The following SSH2 variants were observed in gnomAD, a reference collection of about 807,000 sequenced individuals.
The protein encoded by SSH2 is slingshot protein phosphatase 2, also known as protein phosphatase Slingshot homolog 2.
A neutral mutation model predicts 135.2 loss-of-function variants in SSH2; 37 were observed. The observed-to-expected ratio is 0.27, with a 90% confidence interval of 0.21 to 0.36. SSH2 has a LOEUF of 0.36. SSH2 is among the 10% of genes least tolerant of loss of function. The pLI is 1.00. For missense variants in SSH2, 1,408 were observed against 1,765.3 expected, an observed-to-expected ratio of 0.80 and a Z score of 3.63; for synonymous variants, 628 against 646.2, an observed-to-expected ratio of 0.97 and a Z score of 0.43.
In SSH2 at chr17:29,857,188, T is replaced by C. The variant is rs570373693; in HGVS notation, c.64-8259A>G. On this transcript the variant is annotated intron_variant, in intron 1 of 15. Transcript: ENST00000540801. ...AAGACATACCCGAAACTGGGCAATT[T>C]ACATAGAAAGAGGTTTAATTGGGCT... is the stretch of plus-strand genomic sequence containing the variant. 7.2e-5 allele frequency among the ~76,000 whole-genome samples: 11 copies of C among 152,324 alleles called. No individual in the cohort carries two copies. In the South Asian group the frequency reaches 2.1e-3, roughly 29 times the overall value.
At chr17:29,688,947 G>A (rs1217388856) in intron 5 of SSH2, among the ~76,000 whole-genome samples, 1 of 152,176 alleles carries the variant, frequency 6.6e-6, no homozygotes, top group African/African-American at 2.4e-5. Context: ...CTTGAGGTCA[G>A]GAGTTCGAGA....
chr17:29,665,046 T>C (rs78817055), intron 11 of SSH2, among the ~76,000 whole-genome samples: 2,416 of 152,284 alleles, frequency 0.016, 59 homozygotes, highest in African/African-American at 0.055. Flanking sequence ...TGAGCTCCTT[T>C]TGACTACAGA....
At chr17:29,717,102 C>A (rs978710695) in intron 3 of SSH2, among the ~76,000 whole-genome samples, 3 of 152,136 alleles carry the variant, frequency 2.0e-5, no homozygotes, top group Non-Finnish European at 2.9e-5. Flanking sequence ...AACAGAGAGT[C>A]TGTTTGACCT....
At chr17:29,691,383 T>G (rs180697449) in intron 5 of SSH2, among the ~76,000 whole-genome samples, 1 of 152,190 alleles carries the variant, frequency 6.6e-6, no homozygotes, top group Non-Finnish European at 1.5e-5. Flanking sequence ...AAAACCACTT[T>G]CTTTATTTTA....
intron 1 of SSH2, among the ~76,000 whole-genome samples, chr17:29,891,474 GCA>G (rs2066348929): frequency 6.6e-6 from 1 of 151,464 alleles, no homozygotes; most frequent in African/African-American, 2.4e-5. Flanking sequence ...AGCAACAAAA[GCA>G]CAGATTTATT....
intron 1 of SSH2, among the ~76,000 whole-genome samples, chr17:29,913,347 A>AAAAAAAAAAAAAAAATGATATATAT: frequency 3.5e-5 from 1 of 28,778 alleles, no homozygotes; most frequent in African/African-American, 1.2e-4. Flanking sequence ...AAAAAAAAAA[A>AAAAAAAAAAAAAAAATGATATATAT]ATATATATAT....
intron 3 of SSH2, among the ~76,000 whole-genome samples, chr17:29,785,386 T>A (rs1399226585): frequency 6.6e-6 from 1 of 152,124 alleles, no homozygotes; most frequent in African/African-American, 2.4e-5. Flanking sequence ...GCAAGATATA[T>A]TTCAGTGCAA....
chr17:29,770,900 ACT>A (rs1721378324), intron 3 of SSH2, among the ~76,000 whole-genome samples: 1 of 151,990 alleles, frequency 6.6e-6, no homozygotes, highest in African/African-American at 2.4e-5. Context: ...ATAATCAGAA[ACT>A]CTATAGTGTT....
chr17:29,748,103 C>G (rs1415895977), intron 3 of SSH2, among the ~76,000 whole-genome samples: 1 of 152,168 alleles, frequency 6.6e-6, no homozygotes, highest in Non-Finnish European at 1.5e-5. Flanking sequence ...CATTCCTGTT[C>G]ATCTTCATTG....
chr17:29,696,885 C>T (rs796422210), intron 4 of SSH2, among the ~76,000 whole-genome samples: 9 of 151,570 alleles, frequency 5.9e-5, no homozygotes, highest in South Asian at 2.1e-4. Context: ...GGGGTTTCAC[C>T]GTGTTAGCCA....
intron 15 of SSH2, 96 bp from the exon 16 acceptor site, chr17:29,633,027 T>C (rs1445529084): frequency 1.8e-6 from 2 of 1,114,978 alleles, no homozygotes; most frequent in Non-Finnish European, 2.6e-6. Context: ...CAGGACAACC[T>C]ATCTGACTAA....
chr17:29,686,016 T>C (rs986709066), intron 5 of SSH2, among the ~76,000 whole-genome samples: 3 of 151,526 alleles, frequency 2.0e-5, no homozygotes, highest in Non-Finnish European at 4.4e-5. Flanking sequence ...ATCCAGCTAG[T>C]TTTGTATTTT....
intron 1 of SSH2, among the ~76,000 whole-genome samples, chr17:29,878,946 T>C (rs548593019): frequency 5.9e-5 from 9 of 152,184 alleles, no homozygotes; most frequent in Non-Finnish European, 1.3e-4. Flanking sequence ...CTGAAGTCAA[T>C]CACAGGAAAA....
At chr17:29,875,391 A>G (rs1567624415) in intron 1 of SSH2, among the ~76,000 whole-genome samples, 1 of 152,090 alleles carries the variant, frequency 6.6e-6, no homozygotes, top group Non-Finnish European at 1.5e-5. Context: ...ATATGTCTTA[A>G]GTTTATCTAA....
intron 1 of SSH2, among the ~76,000 whole-genome samples, chr17:29,907,207 T>C (rs1015378249): frequency 6.6e-6 from 1 of 152,208 alleles, no homozygotes; most frequent in Non-Finnish European, 1.5e-5. Flanking sequence ...TCATATCTTT[T>C]GCAGGGAAAT....
intron 14 of SSH2, 28 bp from the exon 15 acceptor site, chr17:29,636,830 TTAATCTGGTTTGTAAAGA>T (rs745328138): frequency 1.3e-6 from 2 of 1,483,298 alleles, no homozygotes; most frequent in African/African-American, 2.8e-5. Context: ...AGGAAGTATC[TTAATCTGGTTTGTAAAGA>T]TAATCAACAC....
At chr17:29,861,253 A>C (rs2151406695) in intron 1 of SSH2, among the ~76,000 whole-genome samples, 1 of 151,988 alleles carries the variant, frequency 6.6e-6, no homozygotes, top group South Asian at 2.1e-4. Context: ...GTCAACTTTT[A>C]CTTCTTTGCA....
intron 1 of SSH2, among the ~76,000 whole-genome samples, chr17:29,879,167 T>C (rs1222242402): frequency 6.6e-6 from 1 of 152,164 alleles, no homozygotes; most frequent in Non-Finnish European, 1.5e-5. Context: ...AAAATCAGAA[T>C]GTTGACCTAA....
At chr17:29,775,481 A>C (rs2729446) in intron 3 of SSH2, among the ~76,000 whole-genome samples, 67,382 of 151,926 alleles carry the variant, frequency 0.44, 15,304 homozygotes, top group Non-Finnish European at 0.49. Context: ...CAAATAATAC[A>C]GTTCTAGAAC....
Sources: gnomAD v4.1 joint callset for allele counts (sites outside exome capture counted in the v4.1 genomes callset) on GRCh38, gnomAD v4.1.1 for gene constraint, MANE v1.5 for transcripts, NCBI Gene and HGNC (gene_info 2026-07-23, HGNC 2026-07-21) for gene names.